Variants in TAMM41 observed in about 807,000 individuals in gnomAD.
TAMM41 encodes the protein phosphatidate cytidylyltransferase, mitochondrial.
Under a neutral mutation model 44.1 loss-of-function variants are expected in TAMM41, and 36 were observed. That is an observed-to-expected ratio of 0.82 (90% CI 0.63 to 1.08). The LOEUF is 1.08. Among genes scored for constraint, TAMM41 ranks in the 50% least tolerant of loss-of-function variants. The pLI is 0.00. For synonymous variants in TAMM41, 164 were observed against 153.1 expected (o/e 1.07, Z -0.53); for missense variants, 417 against 404.3 (o/e 1.03, Z -0.27).
At chr3:11,770,227 A>G in the TAMM41 span, among the ~76,000 whole-genome samples, 3 of 152,122 alleles carry the variant, frequency 2.0e-5, no homozygotes, top group African/African-American at 7.2e-5. Context: ...ATTGGCATCC[A>G]TGTGTGGACT....
At chr3:11,838,518 G>C (rs1015656422) in intron 3 of TAMM41, among the ~76,000 whole-genome samples, 4 of 152,116 alleles carry the variant, frequency 2.6e-5, no homozygotes, top group Non-Finnish European at 5.9e-5. Context: ...ACACCCAGCC[G>C]GGAAGGCACT....
At chr3:11,828,508 A>G (rs1355183705) in intron 4 of TAMM41, among the ~76,000 whole-genome samples, 1 of 152,202 alleles carries the variant, frequency 6.6e-6, no homozygotes, top group Non-Finnish European at 1.5e-5. Context: ...CTTTCATAAA[A>G]GGCTTCCGTT....
At chr3:11,821,729 C>T (rs1242583975) in intron 4 of TAMM41, among the ~76,000 whole-genome samples, 2 of 152,198 alleles carry the variant, frequency 1.3e-5, no homozygotes, top group Non-Finnish European at 2.9e-5. Context: ...TACCGGCTAA[C>T]TTTTCTCCCT....
the TAMM41 span, among the ~76,000 whole-genome samples, chr3:11,750,045 T>C: frequency 4.2e-4 from 63 of 151,650 alleles, no homozygotes; most frequent in South Asian, 1.0e-3. Flanking sequence ...TACAGGCGCC[T>C]GCCACCACGC....
At position 11,846,541 on chromosome 3, in the gene TAMM41, G is replaced by A. The variant is rs1189430336; in HGVS notation, c.96C>T (p.Ser32=). ...TCGGCCCTGCCTGGCGGTACACCCCGGAGCCGTAGACGAAAGCCAGACTCA... is the reference window on the plus strand; with the variant it reads ...TCGGCCCTGCCTGGCGGTACACCCCAGAGCCGTAGACGAAAGCCAGACTCA... ...EELSLAFVYG[S]GVYRQAGPSS... is the part of the protein sequence containing the mutation. Residue 32 remains serine (S), a synonymous_variant, in exon 1 of 8, where the codon TCC becomes TCT. Transcript: ENST00000455809. The A allele has an allele frequency of 3.7e-6, 6 of 1,614,106 alleles. No homozygotes were observed. The African/African-American group carries it at 4.0e-5, about 11-fold the overall frequency.
At chr3:11,748,770 G>A in the TAMM41 span, among the ~76,000 whole-genome samples, 1 of 152,168 alleles carries the variant, frequency 6.6e-6, no homozygotes, top group Non-Finnish European at 1.5e-5. Flanking sequence ...TTCTGTAGGC[G>A]CTATCAGAGG....
the TAMM41 span, among the ~76,000 whole-genome samples, chr3:11,735,499 T>C: frequency 6.6e-6 from 1 of 151,356 alleles, no homozygotes; most frequent in Non-Finnish European, 1.5e-5. Context: ...CCAGGTGTGG[T>C]GGCGGGCACC....
chr3:11,751,530 G>C, the TAMM41 span, among the ~76,000 whole-genome samples: 8 of 152,304 alleles, frequency 5.3e-5, no homozygotes, highest in African/African-American at 1.7e-4. Context: ...CTGGGGCCAG[G>C]CCTACCGAAC....
At chr3:11,835,951 C>A (rs948895735) in intron 3 of TAMM41, among the ~76,000 whole-genome samples, 4 of 150,998 alleles carry the variant, frequency 2.6e-5, no homozygotes, top group African/African-American at 9.7e-5. Context: ...ACACTGAGTT[C>A]TTCCCAGCAG....
At chr3:11,772,059 G>GTTTTTC in the TAMM41 span, among the ~76,000 whole-genome samples, 3 of 150,524 alleles carry the variant, frequency 2.0e-5, no homozygotes, top group Non-Finnish European at 4.4e-5. Context: ...TCCAGTGTCT[G>GTTTTTC]TTTTTCTTTT....
chr3:11,782,103 GAAC>G, the TAMM41 span, among the ~76,000 whole-genome samples: 1 of 152,176 alleles, frequency 6.6e-6, no homozygotes, highest in Non-Finnish European at 1.5e-5. Flanking sequence ...CACATGGAGA[GAAC>G]AACCCACATC....
At chr3:11,829,100 A>G (rs2078878340) in intron 4 of TAMM41, among the ~76,000 whole-genome samples, 1 of 152,172 alleles carries the variant, frequency 6.6e-6, no homozygotes, top group South Asian at 2.1e-4. Flanking sequence ...GGGACATAAT[A>G]TGTGTGACCT....
chr3:11,770,437 T>G, the TAMM41 span, among the ~76,000 whole-genome samples: 3 of 152,222 alleles, frequency 2.0e-5, no homozygotes, highest in Non-Finnish European at 2.9e-5. Flanking sequence ...TTTCGATCAC[T>G]GGCTCTCAAC....
intron 5 of TAMM41, among the ~76,000 whole-genome samples, chr3:11,815,566 G>T (rs1016584763): frequency 6.6e-6 from 1 of 152,124 alleles, no homozygotes; most frequent in African/African-American, 2.4e-5. Flanking sequence ...AGAAAAGGCT[G>T]TCACAATAAA....
At chr3:11,781,912 T>C in the TAMM41 span, among the ~76,000 whole-genome samples, 1 of 152,176 alleles carries the variant, frequency 6.6e-6, no homozygotes, top group African/African-American at 2.4e-5. Flanking sequence ...TAAAGTTTCC[T>C]ATTAATTCTG....
the TAMM41 span, among the ~76,000 whole-genome samples, chr3:11,769,355 ATTTTTTT>A: frequency 9.0e-5 from 12 of 132,896 alleles, no homozygotes; most frequent in East Asian, 2.2e-4. Context: ...CTCCCAAGAG[ATTTTTTT>A]TTTTTTTTTT....
At chr3:11,729,501 TTTTCTTTC>T in the TAMM41 span, among the ~76,000 whole-genome samples, 17 of 147,354 alleles carry the variant, frequency 1.2e-4, no homozygotes, top group East Asian at 4.5e-4. Context: ...TACCCTGTCT[TTTTCTTTC>T]TTTCTTTCTT....
chr3:11,767,898 C>T, the TAMM41 span, among the ~76,000 whole-genome samples: 1 of 151,592 alleles, frequency 6.6e-6, no homozygotes, highest in African/African-American at 2.4e-5. Flanking sequence ...GCTGGGATTA[C>T]AGACGTGAGC....
rs540225243 is a variant in TAMM41, at chr3:11,792,822, G to T, written c.938-2241C>A. The stretch of plus-strand genomic sequence containing the variant: ...TACAGCCATAATCCCAACACTTAGG[G>T]AGGCCGAGGCGGGCAGACCATGAGG... On this transcript the variant is annotated intron_variant, in intron 7 of 7. Coordinates refer to ENST00000455809, the MANE Select transcript of TAMM41 (RefSeq NM_001284401.2). Among the ~76,000 whole-genome samples, 12 of 152,258 alleles carry T rather than the reference G, an allele frequency of 7.9e-5. 1 individual carries two copies. Among genetic ancestry groups the T allele is most frequent in the African/African-American group, 2.9e-4 (12 of 41,548 alleles).
Sources: allele counts gnomAD v4.1 joint callset (sites outside exome capture counted in the v4.1 genomes callset), GRCh38; gene constraint gnomAD v4.1.1; transcripts MANE v1.5; gene names NCBI Gene and HGNC (gene_info 2026-07-23, HGNC 2026-07-21).